Variants in CCDC102B observed in about 807,000 individuals in gnomAD.
CCDC102B encodes coiled-coil domain containing 102B, also known as coiled-coil domain-containing protein 102B.
CCDC102B carries 75 observed loss-of-function variants against 57.4 expected under a neutral mutation model. The ratio of observed to expected loss-of-function variants is 1.31; its 90% confidence interval spans 1.08 to 1.58. The LOEUF is 1.58. Among genes scored for constraint, CCDC102B ranks in the 40% most tolerant of loss-of-function variants. The probability of loss-of-function intolerance (pLI) is 0.00; values close to 1 mark genes in which losing one functional copy is unlikely to be tolerated. For synonymous variants in CCDC102B, 206 were observed against 201.9 expected, an observed-to-expected ratio of 1.02 and a Z score of -0.17; for missense variants, 636 against 582.6, an observed-to-expected ratio of 1.09 and a Z score of -0.94.
intron 2 of CCDC102B, among the ~76,000 whole-genome samples, chr18:68,786,065 G>C (rs1380162202): frequency 1.3e-5 from 2 of 150,586 alleles, no homozygotes; most frequent in African/African-American, 4.9e-5. Context: ...AGTTTTCCCA[G>C]CACCATTTAT....
chr18:68,769,447 G>A (rs1041834618), intron 2 of CCDC102B, among the ~76,000 whole-genome samples: 1 of 151,984 alleles, frequency 6.6e-6, no homozygotes, highest in Non-Finnish European at 1.5e-5. Context: ...CAACATATGA[G>A]TTTAAAGGGT....
At chr18:68,740,264 C>G (rs1280862227) in intron 2 of CCDC102B, among the ~76,000 whole-genome samples, 1 of 152,170 alleles carries the variant, frequency 6.6e-6, no homozygotes, top group African/African-American at 2.4e-5. Context: ...ATGTGATTCT[C>G]TAGAATTTCT....
intron 6 of CCDC102B, among the ~76,000 whole-genome samples, chr18:68,905,633 A>G (rs117268549): frequency 0.011 from 1,607 of 152,044 alleles, 38 homozygotes; most frequent in East Asian, 0.081. Flanking sequence ...TCATCACCCT[A>G]TAAGGAAACA....
intron 6 of CCDC102B, among the ~76,000 whole-genome samples, chr18:68,951,170 TTAAA>T (rs1395793415): frequency 1.3e-5 from 2 of 151,962 alleles, no homozygotes; most frequent in Non-Finnish European, 2.9e-5. Flanking sequence ...AGTGCAGAAT[TTAAA>T]TAAACACAGA....
chr18:68,799,494 C>T (rs1029866015), intron 1 of CCDC102B, among the ~76,000 whole-genome samples: 1 of 152,106 alleles, frequency 6.6e-6, no homozygotes, highest in Non-Finnish European at 1.5e-5. Flanking sequence ...AGTTACAAAA[C>T]AATGGCTGTA....
chr18:68,854,535 T>C (rs1238006426), intron 4 of CCDC102B, among the ~76,000 whole-genome samples: 3 of 151,984 alleles, frequency 2.0e-5, no homozygotes, highest in Admixed American at 1.3e-4. Context: ...AGCTCAGAAA[T>C]ATAAAAAAAA....
chr18:68,794,958 T>C (rs1368182704), upstream of CCDC102B, among the ~76,000 whole-genome samples: 1 of 149,912 alleles, frequency 6.7e-6, no homozygotes, highest in Non-Finnish European at 1.5e-5. Context: ...ATGAGAAAGC[T>C]GCAAGTAAGA....
At chr18:69,022,062 A>G (rs1478901078) in intron 7 of CCDC102B, among the ~76,000 whole-genome samples, 1 of 152,096 alleles carries the variant, frequency 6.6e-6, no homozygotes, top group East Asian at 1.9e-4. Flanking sequence ...GTATATGAGT[A>G]GAAAATGTCC....
intron 7 of CCDC102B, among the ~76,000 whole-genome samples, chr18:69,029,632 G>T (rs762661116): frequency 1.3e-5 from 2 of 152,142 alleles, no homozygotes; most frequent in Non-Finnish European, 2.9e-5. Flanking sequence ...GGTCCCAGAG[G>T]ATATTTTTGG....
At chr18:69,048,931 GT>G (rs2052631609) in intron 7 of CCDC102B, among the ~76,000 whole-genome samples, 1 of 151,302 alleles carries the variant, frequency 6.6e-6, no homozygotes, top group South Asian at 2.1e-4. Flanking sequence ...TAAACTCTTG[GT>G]TTTTTCATTG....
intron 1 of CCDC102B, among the ~76,000 whole-genome samples, chr18:68,827,779 A>T (rs1156927876): frequency 6.6e-6 from 1 of 152,018 alleles, no homozygotes; most frequent in Non-Finnish European, 1.5e-5. Flanking sequence ...AAGGAACTTA[A>T]CAAGAAACTC....
intron 6 of CCDC102B, among the ~76,000 whole-genome samples, chr18:68,948,346 T>G (rs1275048564): frequency 6.6e-6 from 1 of 152,138 alleles, no homozygotes; most frequent in African/African-American, 2.4e-5. Context: ...TTTTAAGACT[T>G]TAATTTGTAC....
intron 1 of CCDC102B, among the ~76,000 whole-genome samples, chr18:68,825,288 T>G (rs1017841870): frequency 1.3e-5 from 2 of 152,338 alleles, no homozygotes; most frequent in South Asian, 4.1e-4. Context: ...ATAGAAAGCT[T>G]TTCTCATGCT....
intron 5 of CCDC102B, among the ~76,000 whole-genome samples, chr18:68,878,258 G>T (rs943196120): frequency 5.3e-5 from 8 of 152,044 alleles, no homozygotes; most frequent in African/African-American, 1.9e-4. Flanking sequence ...CACTATGCCT[G>T]GCTAACTTTT....
chr18:68,839,142 T>C, intron 3 of CCDC102B: 1 of 565,306 alleles, frequency 1.8e-6, no homozygotes, highest in Non-Finnish European at 3.1e-6. Flanking sequence ...AAGTTGACTT[T>C]TATCATGACT....
At chr18:68,983,736 T>C (rs184516240) in intron 6 of CCDC102B, among the ~76,000 whole-genome samples, 100 of 152,152 alleles carry the variant, frequency 6.6e-4, no homozygotes, top group Non-Finnish European at 1.0e-3. Flanking sequence ...TTTCACTGTA[T>C]TTTTTAGCTT....
chr18:68,761,225 AT>A, intron 2 of CCDC102B, among the ~76,000 whole-genome samples: 1 of 152,198 alleles, frequency 6.6e-6, no homozygotes, highest in Non-Finnish European at 1.5e-5. Flanking sequence ...AAGTTACGAT[AT>A]GTATTATTTT....
intron 1 of CCDC102B, among the ~76,000 whole-genome samples, chr18:68,828,157 TAATAA>T (rs1253570685): frequency 6.6e-6 from 1 of 151,602 alleles, no homozygotes; most frequent in East Asian, 1.9e-4. Flanking sequence ...TCTCAACAAC[TAATAA>T]AATGACTACA....
At chr18:68,737,676 A>G (rs1006332758) in intron 2 of CCDC102B, among the ~76,000 whole-genome samples, 2 of 152,300 alleles carry the variant, frequency 1.3e-5, no homozygotes, top group East Asian at 3.9e-4. Context: ...GTAGATCACC[A>G]GAGTGCAAGA....
Sources: gnomAD v4.1 joint callset for allele counts (sites outside exome capture counted in the v4.1 genomes callset) on GRCh38, gnomAD v4.1.1 for gene constraint, MANE v1.5 for transcripts, NCBI Gene and HGNC (gene_info 2026-07-23, HGNC 2026-07-21) for gene names.